OVCH1: variants seen among roughly 807,000 people sequenced by gnomAD.
OVCH1 encodes ovochymase-1.
Under a neutral mutation model 138.4 loss-of-function variants are expected in OVCH1, and 139 were observed. The ratio of observed to expected loss-of-function variants is 1.00; its 90% confidence interval spans 0.87 to 1.16. The LOEUF is 1.16. Among genes scored for constraint, OVCH1 ranks in the 50% most tolerant of loss-of-function variants. OVCH1 has a pLI of 0.00. For synonymous variants in OVCH1, 453 were observed against 467.8 expected, an observed-to-expected ratio of 0.97 and a Z score of 0.41; for missense variants, 1,367 against 1,357.9, an observed-to-expected ratio of 1.01 and a Z score of -0.11.
At chr12:29,425,920 A>G (rs1941173065), downstream of OVCH1, 1 of 152,124 alleles carries the variant, frequency 6.6e-6, no homozygotes, top group South Asian at 2.1e-4. Context: ...ACCCTTCTAC[A>G]TCCTGCTCAT....
chr12:29,484,863 A>AC (rs1491292785), intron 8 of OVCH1, among the ~76,000 whole-genome samples, 63 bp from the exon 9 acceptor site: 1 of 152,206 alleles, frequency 6.6e-6, no homozygotes, highest in Non-Finnish European at 1.5e-5. Flanking sequence ...TCAAAATGAT[A>AC]CAGAGGCCAG....
chr12:29,474,060 AACACACACACACATACACACACAC>A (rs566420914), intron 14 of OVCH1, among the ~76,000 whole-genome samples: 2 of 115,232 alleles, frequency 1.7e-5, no homozygotes, highest in African/African-American at 3.2e-5. Context: ...ATACTTAATA[AACACACACACACATACACACACAC>A]ACACACACAC....
At chr12:29,461,374 T>C (rs11613142) in intron 19 of OVCH1, among the ~76,000 whole-genome samples, 5,710 of 152,326 alleles carry the variant, frequency 0.037, 148 homozygotes, top group Non-Finnish European at 0.059. Flanking sequence ...ATTATGATCT[T>C]GCCAATATCA....
Position 29,472,971 on chromosome 12 carries a change from C to A in OVCH1, c.1675+58G>T, listed in dbSNP as rs1934291090. On this transcript the variant is annotated intron_variant, in intron 15 of 27. Transcript: ENST00000318184. ...GTAAGATAAGGGCTTCCAAAAGAGA[C>A]ATCTAGTTAATGAAGAAACAAGATT... 1.3e-5 allele frequency: 18 copies of A among 1,418,002 alleles called. No homozygotes were observed. In the South Asian group the frequency reaches 2.2e-4, roughly 18 times the overall value. The allele number at this position is 1,418,002 out of a possible 1,614,324, so 87.8% of individuals were successfully genotyped here.
chr12:29,417,760 A>AGTGT (rs55835508), intron 3 of OVCH1, among the ~76,000 whole-genome samples: 49 of 149,798 alleles, frequency 3.3e-4, no homozygotes, highest in African/African-American at 1.1e-3. Context: ...CTGGCCTACA[A>AGTGT]GTGTGTGTGT....
intron 3 of OVCH1, 87 bp from the exon 4 acceptor site, chr12:29,495,544 A>G (rs1446075418): frequency 2.5e-6 from 3 of 1,204,774 alleles, no homozygotes; most frequent in Non-Finnish European, 3.5e-6. Context: ...AAAGTGATTA[A>G]TGTATCTTTA....
intron 26 of OVCH1, among the ~76,000 whole-genome samples, chr12:29,435,334 G>A (rs554333458): frequency 1.3e-5 from 2 of 152,232 alleles, no homozygotes; most frequent in East Asian, 3.9e-4. Flanking sequence ...CACTGCACTT[G>A]AGCCTAGACA....
At chr12:29,484,444 AT>A (rs1943029717) in intron 8 of OVCH1, among the ~76,000 whole-genome samples, 1 of 152,220 alleles carries the variant, frequency 6.6e-6, no homozygotes, top group Non-Finnish European at 1.5e-5. Flanking sequence ...CAATCAAAAA[AT>A]ATCAGATAAA....
intron 26 of OVCH1, chr12:29,439,296 C>A: frequency 7.0e-7 from 1 of 1,436,864 alleles, no homozygotes. Flanking sequence ...TTATATAAGC[C>A]CAAGTTCTAA....
chr12:29,495,217 A>G, intron 4 of OVCH1, 68 bp downstream of exon 4: 1 of 1,410,640 alleles, frequency 7.1e-7, no homozygotes, highest in Non-Finnish European at 9.7e-7. Flanking sequence ...CAGACATTAA[A>G]GTTAACTTGT....
At chr12:29,450,373 C>T (rs1222294713) in intron 22 of OVCH1, among the ~76,000 whole-genome samples, 3 of 152,142 alleles carry the variant, frequency 2.0e-5, no homozygotes, top group Non-Finnish European at 4.4e-5. Flanking sequence ...ACAGACATTT[C>T]TCAAAAGAAG....
exon 4 of OVCH1, chr12:29,495,382 A>G (rs751208189): frequency 1.2e-6 from 2 of 1,613,354 alleles, no homozygotes; most frequent in East Asian, 4.5e-5. Flanking sequence ...TTGAGACAGG[A>G]ATATTCTGTT....
intron 16 of OVCH1, among the ~76,000 whole-genome samples, chr12:29,470,799 C>T (rs1942480138): frequency 6.6e-6 from 1 of 152,186 alleles, no homozygotes. Flanking sequence ...GCCACACTGT[C>T]TTCCACAATG....
intron 8 of OVCH1, among the ~76,000 whole-genome samples, chr12:29,482,914 A>G (rs909729446): frequency 6.6e-6 from 1 of 152,222 alleles, no homozygotes; most frequent in South Asian, 2.1e-4. Flanking sequence ...AGCATTGATT[A>G]CTTCCTGAAG....
At chr12:29,477,956 A>G (rs1942799467) in intron 9 of OVCH1, among the ~76,000 whole-genome samples, 1 of 152,230 alleles carries the variant, frequency 6.6e-6, no homozygotes, top group African/African-American at 2.4e-5. Context: ...TACTGTGTAA[A>G]TAGCAGGCCT....
At chr12:29,403,114 A>C in the OVCH1 span, among the ~76,000 whole-genome samples, 1 of 152,214 alleles carries the variant, frequency 6.6e-6, no homozygotes, top group Non-Finnish European at 1.5e-5. Context: ...AATTTTGAAG[A>C]GCAAAATTTT....
intron 8 of OVCH1, among the ~76,000 whole-genome samples, chr12:29,479,430 T>C (rs899009427): frequency 3.3e-5 from 5 of 152,216 alleles, no homozygotes; most frequent in African/African-American, 1.2e-4. Flanking sequence ...TAACTCCCAG[T>C]AAGGTCAGCT....
chr12:29,478,968 G>C (rs1942835876), intron 8 of OVCH1: 2 of 1,234,634 alleles, frequency 1.6e-6, no homozygotes, highest in Non-Finnish European at 2.2e-6. Context: ...AAACATATAA[G>C]CTGGGGTAGG....
intron 8 of OVCH1, among the ~76,000 whole-genome samples, chr12:29,482,566 G>A (rs573380548): frequency 5.9e-5 from 9 of 152,168 alleles, no homozygotes; most frequent in African/African-American, 2.2e-4. Flanking sequence ...TGTATCTCTA[G>A]CACCTAAGAC....
Sources: allele counts gnomAD v4.1 joint callset (sites outside exome capture counted in the v4.1 genomes callset), GRCh38; gene constraint gnomAD v4.1.1; transcripts MANE v1.5; gene names NCBI Gene and HGNC (gene_info 2026-07-23, HGNC 2026-07-21).